The following PAGE2 variants were observed in gnomAD, a reference collection of about 807,000 sequenced individuals.
PAGE2 encodes P antigen family member 2.
PAGE2 carries 6 observed loss-of-function variants against 7.5 expected under a neutral mutation model. That is an observed-to-expected ratio of 0.80 (90% CI 0.44 to 1.57). The LOEUF is 1.57. Ranked by LOEUF, PAGE2 falls within the 40% of genes most tolerant of loss-of-function variation. The pLI is 0.01. For missense variants in PAGE2, 72 were observed against 76.4 expected, an observed-to-expected ratio of 0.94 and a Z score of 0.21; for synonymous variants, 22 against 25.4, an observed-to-expected ratio of 0.87 and a Z score of 0.41.
Position 55,090,031 on chromosome X carries a change from T to A in PAGE2, c.11T>A (p.Leu4His). 2 of 1,194,987 alleles carry A rather than the reference T, an allele frequency of 1.7e-6. No individual in the cohort carries two copies. Among genetic ancestry groups the A allele is most frequent in the South Asian group, 1.8e-5 (1 of 56,288 alleles). Reference protein sequence around the residue: MSELLRARSQSSER... With the variant: MSEHLRARSQSSER... Reference sequence around the variant, plus strand: ...TTTGCAGTGGGAAATATGAGTGAGCTTCTAAGAGCAAGATCCCAATCCTCA... The same window carrying A: ...TTTGCAGTGGGAAATATGAGTGAGCATCTAAGAGCAAGATCCCAATCCTCA... Residue 4 changes from leucine to histidine, a missense_variant, in exon 2 of 5, where the codon CTT (leucine) becomes CAT (histidine). By Grantham distance (99) the Leu-to-His change is moderately conservative (BLOSUM62 -3). Coordinates refer to ENST00000374968, the MANE Select transcript of PAGE2 (RefSeq NM_207339.4).
rs138576362 is a variant in PAGE2, at chrX:55,090,604, T to G, written c.187T>G (p.Phe63Val). 1.4e-5 allele frequency: 17 copies of G among 1,200,571 alleles called. 1 individual carries two copies. Among genetic ancestry groups the G allele is most frequent in the Non-Finnish European group, 1.6e-5 (14 of 890,645 alleles). Residue 63 changes from phenylalanine to valine, a missense_variant, in exon 3 of 5, where the codon TTT (phenylalanine) becomes GTT (valine). Coordinates refer to ENST00000374968, the MANE Select transcript of PAGE2 (RefSeq NM_207339.4). ...GATTGAAAATCAAGCAGTGCCTGCT[T>G]TTCAAGGTGAAGGGAGAGTGGAAAA... is the stretch of plus-strand genomic sequence containing the variant. ...GEIENQAVPA[F>V]QGPDMEAFQQ...
intron 2 of PAGE2, 45 bp from the exon 3 acceptor site, chrX:55,090,457 T>C: frequency 9.3e-7 from 1 of 1,075,680 alleles, no homozygotes; most frequent in South Asian, 2.0e-5. Flanking sequence ...CATTTGTGTA[T>C]TTATATTATT....
At chrX:55,089,578 C>T (rs1420808077) in intron 1 of PAGE2, among the ~76,000 whole-genome samples, 1 of 109,737 alleles carries the variant, frequency 9.1e-6, no homozygotes, top group Admixed American at 9.6e-5. Context: ...TTCTCACCTC[C>T]GCCATGGACA....
In PAGE2 at chrX:55,090,516, T is replaced by G. The variant is rs370096142; in HGVS notation, c.99T>G (p.Thr33=). Residue 33 remains threonine (T), a synonymous_variant, in exon 3 of 5, where the codon ACT becomes ACG. Coordinates refer to ENST00000374968, the MANE Select transcript of PAGE2 (RefSeq NM_207339.4). ...TACACCCTTAGGTCCAGGAGCCCAC[T>G]GAGGAAAAACGTCAAGAAGAGGAAC... The part of the protein sequence containing the change: ...PVGSVIVQEP[T]EEKRQEEEPP... 8.5e-5 allele frequency: 102 copies of G among 1,202,783 alleles called. No individual in the cohort carries two copies. In the South Asian group the frequency reaches 1.6e-3, roughly 19 times the overall value.
Position 55,091,679 on chromosome X carries a change from G to T in PAGE2, c.319+222G>T, listed in dbSNP as rs1171883460. Among the ~76,000 whole-genome samples the T allele has an allele frequency of 2.5e-5, 2 of 80,859 alleles. 1 individual carries two copies. The highest frequency in any genetic ancestry group is 5.5e-5 in the Non-Finnish European group (2 of 36,649). The allele number at this position is 80,859 out of a possible 115,157, so 70.2% of individuals were successfully genotyped here. ...TCCAGCACTTTGGGAGGCCGAGGCA[G>T]AAGGATCACTTGAGGCCAAGACTTC... is the stretch of plus-strand genomic sequence containing the variant. On this transcript the variant is annotated intron_variant, in intron 4 of 4. Transcript: ENST00000374968.
In PAGE2 at chrX:55,089,474, GA is replaced by G. The variant is rs763299227; in HGVS notation, c.-9+372del. ...AGTAACGAAGGGGCTTGGGAACTGGGAGCGCGGTGGGCTGGTGACTGTGGCC... is the reference window on the plus strand; with the variant it reads ...AGTAACGAAGGGGCTTGGGAACTGGGGCGCGGTGGGCTGGTGACTGTGGCC... On this transcript the variant is annotated intron_variant, in intron 1 of 4. Coordinates refer to ENST00000374968, the MANE Select transcript of PAGE2 (RefSeq NM_207339.4). Among the ~76,000 whole-genome samples the G allele has an allele frequency of 1.4e-4, 15 of 110,506 alleles. No homozygotes were observed. The East Asian group carries it at 4.0e-3, about 29-fold the overall frequency.
rs192342339 is a variant in PAGE2 at position 55,090,095 on chromosome X, A to G, written c.75A>G (p.Gly25=). ...GNDQESSQPV[G]SVIVQEPTEE... is the part of the protein sequence containing the mutation. ...ACCAAGAGTCTTCCCAGCCGGTTGG[A>G]TCTGTGATTGTGAGTCTTTTAACAT... The change falls in exon 2 of 5, where the codon GGA becomes GGG. Residue 25 remains glycine, a synonymous_variant. Transcript: ENST00000374968. The G allele has an allele frequency of 5.0e-6, 6 of 1,198,336 alleles. No homozygotes were observed. The East Asian group carries it at 1.5e-4, about 30-fold the overall frequency.
intron 3 of PAGE2, among the ~76,000 whole-genome samples, 156 bp from the exon 4 acceptor site, chrX:55,091,176 C>T (rs891194557): frequency 2.7e-5 from 3 of 111,514 alleles, no homozygotes; most frequent in Non-Finnish European, 3.8e-5. Context: ...GGGCAATGTT[C>T]GAATATCTCT....
intron 4 of PAGE2, 93 bp downstream of exon 4, chrX:55,091,550 A>T: frequency 8.7e-7 from 1 of 1,150,087 alleles, no homozygotes; most frequent in Non-Finnish European, 1.2e-6. Context: ...CTTTAATATC[A>T]TACTTCACGT....
At position 55,090,099 on chromosome X, in the gene PAGE2, G is replaced by A; in HGVS notation, c.79G>A (p.Val27Met). The A allele has an allele frequency of 8.4e-7, 1 of 1,194,781 alleles. No individual in the cohort carries two copies. The highest frequency in any genetic ancestry group is 1.1e-6 in the Non-Finnish European group (1 of 883,931). Residue 27 changes from valine to methionine, a missense_variant, in exon 2 of 5, where the codon GTG becomes ATG. Physicochemically the swap from Val to Met is conservative, Grantham distance 21 (BLOSUM62 1). Transcript: ENST00000374968. ...AGAGTCTTCCCAGCCGGTTGGATCT[G>A]TGATTGTGAGTCTTTTAACATTTGA... is the stretch of plus-strand genomic sequence containing the variant. The part of the protein sequence containing the change: ...DQESSQPVGS[V>M]IVQEPTEEKR...
At chrX:55,091,303 G>C in intron 3 of PAGE2, 29 bp from the exon 4 acceptor site, 1 of 1,205,064 alleles carries the variant, frequency 8.3e-7, no homozygotes, top group Non-Finnish European at 1.1e-6. Context: ...GTTTTAATTT[G>C]TAAATTGATG....
intron 4 of PAGE2, among the ~76,000 whole-genome samples, chrX:55,091,731 A>T (rs4014660): frequency 1.3e-5 from 1 of 79,526 alleles, no homozygotes; most frequent in Non-Finnish European, 2.8e-5. Context: ...TTGGGTCAAA[A>T]CTAATTGGAT....
At chrX:55,091,073 C>G (rs897691268) in intron 3 of PAGE2, among the ~76,000 whole-genome samples, 5 of 111,046 alleles carry the variant, frequency 4.5e-5, no homozygotes, top group Non-Finnish European at 9.4e-5. Flanking sequence ...CAGACTGACT[C>G]AAACAAATGG....
intron 4 of PAGE2, among the ~76,000 whole-genome samples, chrX:55,091,941 G>A (rs1363978182): frequency 3.3e-5 from 1 of 30,101 alleles, no homozygotes; most frequent in Non-Finnish European, 6.8e-5. Context: ...AACGTGTTCT[G>A]ACTTTTAAAT....
chrX:55,090,359 T>TATCTATCTATC (rs1936644494), intron 2 of PAGE2, 143 bp from the exon 3 acceptor site: 1 of 601,142 alleles, frequency 1.7e-6, no homozygotes, highest in African/African-American at 2.4e-5. Flanking sequence ...TCTATCTATC[T>TATCTATCTATC]ATCTATCATC....
Position 55,090,193 on chromosome X carries a change from T to C in PAGE2, c.84+89T>C, listed in dbSNP as rs778164468. The C allele has an allele frequency of 2.4e-4, 218 of 919,759 alleles. 1 individual carries two copies. Among genetic ancestry groups the C allele is most frequent in the Non-Finnish European group, 3.0e-4 (204 of 669,646 alleles). 75.8% of individuals were successfully genotyped at this position (919,759 alleles called of 1,213,427 possible). On this transcript the variant is annotated intron_variant, in intron 2 of 4. Transcript: ENST00000374968. ...AGTATACATACACTGATACAGGTGT[T>C]CCATGCTGATAAAAAATGATGATGG...
At chrX:55,090,344 A>G (rs1303242562) in intron 2 of PAGE2, among the ~76,000 whole-genome samples, 158 bp from the exon 3 acceptor site, 1 of 108,495 alleles carries the variant, frequency 9.2e-6, no homozygotes, top group Non-Finnish European at 1.9e-5. Context: ...CTATCTATCT[A>G]TCTATCTATC....
intron 4 of PAGE2, 99 bp downstream of exon 4, chrX:55,091,556 C>A (rs1299067512): frequency 8.8e-7 from 1 of 1,133,194 alleles, no homozygotes; most frequent in African/African-American, 2.0e-5. Context: ...TATCATACTT[C>A]ACGTCTGAAG....
intron 1 of PAGE2, 43 bp from the exon 2 acceptor site, chrX:55,089,970 A>G: frequency 9.9e-7 from 1 of 1,011,251 alleles, no homozygotes; most frequent in South Asian, 2.0e-5. Context: ...TATATAACTA[A>G]GTTCTTACAC....
Sources: allele counts gnomAD v4.1 joint callset (sites outside exome capture counted in the v4.1 genomes callset), GRCh38; gene constraint gnomAD v4.1.1; transcripts MANE v1.5; gene names NCBI Gene and HGNC (gene_info 2026-07-23, HGNC 2026-07-21).